EWSR1: variants seen among roughly 807,000 people sequenced by gnomAD.
EWSR1 encodes the protein RNA-binding protein EWS.
A neutral mutation model predicts 92.1 loss-of-function variants in EWSR1; 14 were observed. That is an observed-to-expected ratio of 0.15 (90% confidence interval 0.10 to 0.24). The LOEUF is 0.24. Ranked by LOEUF, EWSR1 falls within the 10% of genes least tolerant of loss-of-function variation. EWSR1 has a pLI of 1.00. For synonymous variants in EWSR1, 303 were observed against 292.9 expected (o/e 1.03, Z -0.35); for missense variants, 637 against 870.9 (o/e 0.73, Z 3.38).
At chr22:29,278,295 TG>T in intron 5 of EWSR1, 79 bp downstream of exon 5, 3 of 1,402,168 alleles carry the variant, frequency 2.1e-6, no homozygotes, top group Non-Finnish European at 1.9e-6. Flanking sequence ...AAATAATCTG[TG>T]GTTTAGTTCC....
chr22:29,291,697 A>T, intron 9 of EWSR1, 98 bp downstream of exon 9: 1 of 1,187,118 alleles, frequency 8.4e-7, no homozygotes, highest in Non-Finnish European at 1.2e-6. Context: ...AGTGGTTTAA[A>T]AATGATCTAT....
At chr22:29,294,243 ATT>A (rs767579772) in intron 11 of EWSR1, among the ~76,000 whole-genome samples, 3 of 152,054 alleles carry the variant, frequency 2.0e-5, no homozygotes, top group Non-Finnish European at 4.4e-5. Flanking sequence ...GGTTTCGTTT[ATT>A]TTCAAGTTGC....
In EWSR1 at chr22:29,287,295, G is replaced by A. The variant is rs72547434; in HGVS notation, c.793+161G>A. ...GCCATCTCAGCTCACTGCAGCCTCC[G>A]CCTCCTGGTTCAAGCAATTCTCCTG... On this transcript the variant is annotated intron_variant, in intron 7 of 16. Transcript: ENST00000397938. 1.4e-3 allele frequency among the ~76,000 whole-genome samples: 207 copies of A among 152,262 alleles called. 1 individual carries two copies. Among genetic ancestry groups the A allele is most frequent in the African/African-American group, 4.8e-3 (199 of 41,550 alleles).
chr22:29,288,868 A>G, intron 8 of EWSR1, 82 bp downstream of exon 8: 1 of 1,300,448 alleles, frequency 7.7e-7, no homozygotes, highest in East Asian at 2.7e-5. Flanking sequence ...TGAAAGACAT[A>G]AGAAATTAAT....
chr22:29,270,100 A>G (rs763107256), intron 1 of EWSR1, among the ~76,000 whole-genome samples: 8 of 152,142 alleles, frequency 5.3e-5, no homozygotes, highest in Non-Finnish European at 7.4e-5. Flanking sequence ...GCATTCCACA[A>G]ATTTGTCCTA....
In EWSR1 at chr22:29,295,839, C is replaced by T. The variant is rs554231289; in HGVS notation, c.1165-400C>T. 1.2e-4 allele frequency: 30 copies of T among 244,374 alleles called. No homozygotes were observed. The South Asian group carries it at 3.5e-3, about 28-fold the overall frequency. 15.1% of individuals were successfully genotyped at this position (244,374 alleles called of 1,614,324 possible). A position where few individuals can be genotyped will look rare whatever the true frequency, so the allele number is the denominator to read the frequency against. Reference sequence around the variant, plus strand: ...CCCTGTAGTTCACTCACAGCCTGTACACTGTCCTTCACGGTTTAAGGATAA... The same window carrying T: ...CCCTGTAGTTCACTCACAGCCTGTATACTGTCCTTCACGGTTTAAGGATAA... On this transcript the variant is annotated intron_variant, in intron 11 of 16. Coordinates refer to ENST00000397938, the MANE Select transcript of EWSR1 (RefSeq NM_005243.4).
At chr22:29,298,917 T>C (rs947291191) in intron 14 of EWSR1, 22 bp downstream of exon 14, 5 of 1,526,598 alleles carry the variant, frequency 3.3e-6, no homozygotes, top group Non-Finnish European at 4.4e-6. Flanking sequence ...TCTTGGCAAA[T>C]TGATACCCTA....
intron 1 of EWSR1, among the ~76,000 whole-genome samples, chr22:29,271,014 G>A (rs1259388995): frequency 6.6e-6 from 1 of 152,194 alleles, no homozygotes; most frequent in Non-Finnish European, 1.5e-5. Context: ...AGGCAGATAA[G>A]CCAACGTGAA....
chr22:29,273,114 A>C (rs777297902), intron 3 of EWSR1, among the ~76,000 whole-genome samples: 2 of 152,254 alleles, frequency 1.3e-5, no homozygotes, highest in Non-Finnish European at 2.9e-5. Context: ...CTGAAAGAAC[A>C]ACTCTTCCTT....
At chr22:29,296,191 C>T (rs745314964) in intron 11 of EWSR1, 48 bp from the exon 12 acceptor site, 15 of 1,562,392 alleles carry the variant, frequency 9.6e-6, no homozygotes, top group African/African-American at 1.4e-5. Context: ...TTTTTTCTCC[C>T]AAATTAGTAT....
intron 4 of EWSR1, chr22:29,276,271 A>T (rs982557833): frequency 3.5e-5 from 8 of 230,156 alleles, no homozygotes; most frequent in African/African-American, 1.8e-4. Context: ...TGACCTTAGG[A>T]CTCTGCAAAA....
chr22:29,278,593 G>A (rs2059308790), intron 5 of EWSR1, among the ~76,000 whole-genome samples: 1 of 152,192 alleles, frequency 6.6e-6, no homozygotes, highest in African/African-American at 2.4e-5. Context: ...GGGAGGCCGA[G>A]GCAGGGGGAT....
chr22:29,300,450 T>C lies in EWSR1; in HGVS notation c.*289T>C, dbSNP rs1168126204. 8.9e-6 allele frequency: 3 copies of C among 336,468 alleles called. No homozygotes were observed. The highest frequency in any genetic ancestry group is 2.1e-5 in the African/African-American group (1 of 47,114). The allele number at this position is 336,468 out of a possible 1,614,324, so 20.8% of individuals were successfully genotyped here. On this transcript the variant is annotated 3_prime_UTR_variant, in exon 17 of 17. Coordinates refer to ENST00000397938, the MANE Select transcript of EWSR1 (RefSeq NM_005243.4). ...ATTGTGGAGAACCAAGAGGGCCTCT[T>C]AACTGTAACAATGTTCATGGTTGTG...
intron 4 of EWSR1, chr22:29,274,200 TGG>T: frequency 6.4e-7 from 1 of 1,555,612 alleles, no homozygotes; most frequent in Non-Finnish European, 8.9e-7. Context: ...AAAATCAAAC[TGG>T]TTTTCACATG....
At chr22:29,274,126 A>G (rs1357711532) in intron 4 of EWSR1, 4 of 962,952 alleles carry the variant, frequency 4.2e-6, no homozygotes, top group Non-Finnish European at 3.3e-6. Flanking sequence ...AATGGAGACT[A>G]TGTAAAAGAT....
At chr22:29,298,609 C>G (rs2061069925) in intron 13 of EWSR1, 124 bp from the exon 14 acceptor site, 1 of 1,215,482 alleles carries the variant, frequency 8.2e-7, no homozygotes, top group Admixed American at 1.8e-5. Flanking sequence ...CACGGAAACA[C>G]GGGACAGGTG....
rs1329000291 is a variant in EWSR1, at chr22:29,288,616, A to G, written c.804A>G (p.Arg268=). The change falls in exon 8 of 17, where the codon CGA becomes CGG. Residue 268 remains arginine, a synonymous_variant. Transcript: ENST00000397938. ...TGACTCTTTCCTCAGGTTCATTCCG[A>G]CAGGACCACCCCAGTAGCATGGGTG... ...SSSYGQQSSF[R]QDHPSSMGVY... The G allele has an allele frequency of 1.2e-6, 2 of 1,611,576 alleles. No homozygotes were observed. Among genetic ancestry groups the G allele is most frequent in the South Asian group, 2.2e-5 (2 of 90,836 alleles).
intron 7 of EWSR1, among the ~76,000 whole-genome samples, chr22:29,287,353 G>A (rs571926154): frequency 1.3e-5 from 2 of 152,030 alleles, no homozygotes; most frequent in Admixed American, 6.5e-5. Context: ...GATGATAGGC[G>A]CCTGCCACTA....
chr22:29,271,294 A>G (rs1341464801), intron 1 of EWSR1, among the ~76,000 whole-genome samples: 1 of 152,222 alleles, frequency 6.6e-6, no homozygotes, highest in Non-Finnish European at 1.5e-5. Context: ...AACTAAATTT[A>G]TCTAACTTTA....
Sources: gnomAD v4.1 joint callset for allele counts (sites outside exome capture counted in the v4.1 genomes callset) on GRCh38, gnomAD v4.1.1 for gene constraint, MANE v1.5 for transcripts, NCBI Gene and HGNC (gene_info 2026-07-23, HGNC 2026-07-21) for gene names.